Variants in OXR1 observed in about 807,000 individuals in gnomAD.
OXR1 encodes the protein oxidation resistance protein 1.
Under a neutral mutation model 104.6 loss-of-function variants are expected in OXR1, and 41 were observed. The ratio of observed to expected loss-of-function variants is 0.39; its 90% CI spans 0.31 to 0.51. OXR1 has a LOEUF of 0.51. OXR1 is among the 20% of genes least tolerant of loss of function. The pLI, the probability that OXR1 is intolerant of heterozygous loss-of-function variation, is 0.77. For missense variants in OXR1, 955 were observed against 1,031.9 expected (o/e 0.93, Z 1.02); for synonymous variants, 348 against 348.4 (o/e 1.00, Z 0.01).
chr8:106,322,309 C>T (rs1346474303), intron 1 of OXR1, among the ~76,000 whole-genome samples: 1 of 152,138 alleles, frequency 6.6e-6, no homozygotes, highest in Non-Finnish European at 1.5e-5. Flanking sequence ...ACATGATTAT[C>T]TCAATACATG....
chr8:106,474,012 TAC>T (rs199751152), intron 2 of OXR1, among the ~76,000 whole-genome samples: 13,863 of 137,132 alleles, frequency 0.1, 672 homozygotes, highest in Middle Eastern at 0.13. Context: ...TGTATATTTA[TAC>T]ACACACACAC....
At chr8:106,485,033 G>A (rs77590111) in intron 2 of OXR1, among the ~76,000 whole-genome samples, 146 of 133,062 alleles carry the variant, frequency 1.1e-3, no homozygotes, top group African/African-American at 3.9e-3. Context: ...AAGATAGGGA[G>A]GAAACTTAAA....
At chr8:106,701,076 G>C (rs1004892714) in intron 7 of OXR1, among the ~76,000 whole-genome samples, 1 of 151,914 alleles carries the variant, frequency 6.6e-6, no homozygotes, top group Non-Finnish European at 1.5e-5. Context: ...ATCTCTCATT[G>C]ACTTGAGTTG....
chr8:106,423,662 A>T (rs1818991551), intron 2 of OXR1, among the ~76,000 whole-genome samples: 1 of 152,230 alleles, frequency 6.6e-6, no homozygotes, highest in Non-Finnish European at 1.5e-5. Context: ...TCTTAAAAGT[A>T]GAGAAAAAAT....
chr8:106,281,793 C>G (rs564367510), intron 1 of OXR1, among the ~76,000 whole-genome samples: 2 of 102,666 alleles, frequency 1.9e-5, no homozygotes, highest in African/African-American at 4.4e-5. Context: ...GAGCAAGACT[C>G]TATCTCAAAA....
At chr8:106,278,678 C>T (rs1268084318) in intron 1 of OXR1, among the ~76,000 whole-genome samples, 1 of 152,120 alleles carries the variant, frequency 6.6e-6, no homozygotes, top group Non-Finnish European at 1.5e-5. Flanking sequence ...TTGCGTAGAT[C>T]ACAGTGACTG....
At chr8:106,476,470 G>A (rs1320015341) in intron 2 of OXR1, among the ~76,000 whole-genome samples, 2 of 151,758 alleles carry the variant, frequency 1.3e-5, no homozygotes, top group African/African-American at 2.4e-5. Flanking sequence ...TATAGATAAA[G>A]GCAGTCCTGA....
intron 11 of OXR1, among the ~76,000 whole-genome samples, chr8:106,730,876 G>C (rs1439261805): frequency 6.6e-6 from 1 of 150,730 alleles, no homozygotes; most frequent in Non-Finnish European, 1.5e-5. Flanking sequence ...GTTAGACCTT[G>C]TCTTTAAAAA....
rs146593561 is a variant in OXR1, at chr8:106,578,983, C to CTTTTTTTTTTTTTTTTTTTTTTTTT, written c.220+59847_220+59848insTTTTTTTTTTTTTTTTTTTTTTTTT. Among the ~76,000 whole-genome samples, 3 of 131,002 alleles carry CTTTTTTTTTTTTTTTTTTTTTTTTT rather than the reference C, an allele frequency of 2.3e-5. 1 individual carries two copies. Among genetic ancestry groups the CTTTTTTTTTTTTTTTTTTTTTTTTT allele is most frequent in the African/African-American group, 3.0e-5 (1 of 33,224 alleles). The allele number at this position is 131,002 out of a possible 152,430, so 85.9% of individuals were successfully genotyped here. ...GACCACCTAGGTAACCTCACTTTTT[C>CTTTTTTTTTTTTTTTTTTTTTTTTT]TTTCTTTTTTTTTTTTTTTGCCTAG... On this transcript the variant is annotated intron_variant, in intron 3 of 16. Coordinates refer to ENST00000517566, the MANE Select transcript of OXR1 (RefSeq NM_001198533.2).
rs939487031 is a variant in OXR1, at chr8:106,445,113, C to T, written c.24-73830C>T. On this transcript the variant is annotated intron_variant, in intron 2 of 16. Transcript: ENST00000517566. ...GAATTAAATGGAAACTGCTAAAGCA[C>T]TCCTGATAATCTCCACCTGCTGTCC... Among the ~76,000 whole-genome samples, 6 of 152,156 alleles carry T rather than the reference C, an allele frequency of 3.9e-5. 1 individual carries two copies. In the South Asian group the frequency reaches 1.0e-3, roughly 26 times the overall value.
chr8:106,298,921 A>ATG (rs753863347), intron 1 of OXR1, among the ~76,000 whole-genome samples: 183 of 104,614 alleles, frequency 1.7e-3, no homozygotes, highest in Middle Eastern at 8.9e-3. Flanking sequence ...ATTTATATAT[A>ATG]TATGTGTGTG....
intron 3 of OXR1, among the ~76,000 whole-genome samples, chr8:106,534,107 G>A (rs1006336702): frequency 1.3e-5 from 2 of 152,056 alleles, no homozygotes; most frequent in African/African-American, 4.8e-5. Flanking sequence ...TGTGCACGGG[G>A]GATCTTACAA....
At chr8:106,600,353 A>G (rs1008255882) in intron 3 of OXR1, among the ~76,000 whole-genome samples, 8 of 152,164 alleles carry the variant, frequency 5.3e-5, no homozygotes, top group African/African-American at 1.9e-4. Flanking sequence ...CTCCCCTTAC[A>G]GTTTAGCCCG....
chr8:106,688,089 T>G lies in OXR1; in HGVS notation c.525+3730T>G, dbSNP rs145245788. Among the ~76,000 whole-genome samples the G allele has an allele frequency of 7.4e-4, 113 of 152,326 alleles. 4 individuals are homozygous for G. The East Asian group carries it at 0.012, about 17-fold the overall frequency. On this transcript the variant is annotated intron_variant, in intron 6 of 16. Transcript: ENST00000517566. ...CATTTTTTGAATAAATATAGAAACCTGCTTTTGTTTTGTACACCTTTGGTT... is the reference window on the plus strand; with the variant it reads ...CATTTTTTGAATAAATATAGAAACCGGCTTTTGTTTTGTACACCTTTGGTT...
At position 106,703,143 on chromosome 8, in the gene OXR1, C is replaced by A. The variant is rs1331300216; in HGVS notation, c.860+53C>A. ...AACTTTATTGTATCTAGATAGTTGA[C>A]CCTTGTCTAATACCTTAACTATTTT... On this transcript the variant is annotated intron_variant, in intron 8 of 16. Coordinates refer to ENST00000517566, the MANE Select transcript of OXR1 (RefSeq NM_001198533.2). 31 of 1,203,878 alleles carry A rather than the reference C, an allele frequency of 2.6e-5. No individual in the cohort carries two copies. The East Asian group carries it at 6.8e-4, about 26-fold the overall frequency. 74.6% of individuals were successfully genotyped at this position (1,203,878 alleles called of 1,614,324 possible).
chr8:106,573,913 T>C (rs941497527), intron 3 of OXR1, among the ~76,000 whole-genome samples: 1 of 121,930 alleles, frequency 8.2e-6, no homozygotes, highest in African/African-American at 2.9e-5. Flanking sequence ...TAATTTTTAA[T>C]TCAAAAAAAA....
rs577545241 is a variant in OXR1 at position 106,562,012 on chromosome 8, G to A, written c.220+42873G>A. ...CAAAGGTAGATAAACCCACAAAGAT[G>A]AGGAAAAACCAGTGCAAAAAGGCTA... On this transcript the variant is annotated intron_variant, in intron 3 of 16. Coordinates refer to ENST00000517566, the MANE Select transcript of OXR1 (RefSeq NM_001198533.2). Among the ~76,000 whole-genome samples, 3 of 152,274 alleles carry A rather than the reference G, an allele frequency of 2.0e-5. No homozygotes were observed. The South Asian group carries it at 6.2e-4, about 32-fold the overall frequency.
intron 9 of OXR1, among the ~76,000 whole-genome samples, chr8:106,708,788 C>G (rs906371672): frequency 2.0e-5 from 3 of 151,928 alleles, no homozygotes; most frequent in Non-Finnish European, 4.4e-5. Context: ...GGGTATATTC[C>G]CAGAGTGGAA....
intron 2 of OXR1, among the ~76,000 whole-genome samples, chr8:106,421,610 A>G (rs1310645593): frequency 6.6e-6 from 1 of 152,148 alleles, no homozygotes; most frequent in African/African-American, 2.4e-5. Flanking sequence ...TATGCTTCTC[A>G]CATACTTGTC....
Sources: allele counts gnomAD v4.1 joint callset (sites outside exome capture counted in the v4.1 genomes callset), GRCh38; gene constraint gnomAD v4.1.1; transcripts MANE v1.5; gene names NCBI Gene and HGNC (gene_info 2026-07-23, HGNC 2026-07-21).